The following TMEM108 variants were observed in gnomAD, a reference collection of about 807,000 sequenced individuals.
TMEM108 encodes cancer/testis antigen 124.
In TMEM108, 12 loss-of-function variants were observed where a neutral mutation model predicts 35.1. The ratio of observed to expected loss-of-function variants is 0.34; its 90% confidence interval spans 0.22 to 0.55. TMEM108 has a LOEUF of 0.55. Ranked by LOEUF, TMEM108 falls within the 20% of genes least tolerant of loss-of-function variation. TMEM108 has a pLI of 0.89. For missense variants in TMEM108, 680 were observed against 753.3 expected (o/e 0.90, Z 1.14); for synonymous variants, 287 against 308.6 (o/e 0.93, Z 0.73).
chr3:133,058,140 A>G (rs1397167985), intron 2 of TMEM108, among the ~76,000 whole-genome samples: 1 of 152,222 alleles, frequency 6.6e-6, no homozygotes, highest in Non-Finnish European at 1.5e-5. Flanking sequence ...AAAAAAAAGT[A>G]AATGAGAAGA....
At position 133,134,155 on chromosome 3, in the gene TMEM108, T is replaced by C. The variant is rs1208482295; in HGVS notation, c.-47+88135T>C. Among the ~76,000 whole-genome samples, 5 of 151,952 alleles carry C rather than the reference T, an allele frequency of 3.3e-5. No individual in the cohort carries two copies. The East Asian group carries it at 9.6e-4, about 29-fold the overall frequency. On this transcript the variant is annotated intron_variant, in intron 2 of 5. Transcript: ENST00000321871. The stretch of plus-strand genomic sequence containing the variant: ...TATAAAATCTCACATTTGTGCATTC[T>C]AGTTATCTTTTAAAAATATATTTCT...
intron 3 of TMEM108, among the ~76,000 whole-genome samples, chr3:133,254,732 C>T (rs918128393): frequency 6.6e-6 from 1 of 152,108 alleles, no homozygotes; most frequent in Non-Finnish European, 1.5e-5. Context: ...TAACAATTAC[C>T]CCAGACCTTC....
intron 3 of TMEM108, among the ~76,000 whole-genome samples, chr3:133,237,927 G>C (rs926451046): frequency 2.0e-5 from 3 of 152,080 alleles, no homozygotes; most frequent in Admixed American, 2.0e-4. Flanking sequence ...ATTTTGAAAA[G>C]CTCTTTGGGG....
At chr3:133,173,941 G>A (rs1053003990) in intron 2 of TMEM108, among the ~76,000 whole-genome samples, 2 of 152,230 alleles carry the variant, frequency 1.3e-5, no homozygotes, top group South Asian at 2.1e-4. Flanking sequence ...AAAGAAAGGG[G>A]TGACAGACGG....
chr3:133,038,750 G>A (rs1256125952), intron 1 of TMEM108, among the ~76,000 whole-genome samples: 3 of 152,228 alleles, frequency 2.0e-5, no homozygotes, highest in Non-Finnish European at 4.4e-5. Flanking sequence ...GGGTGATGGG[G>A]CGCGGGCGTC....
chr3:133,145,735 T>TAAGA (rs953778913), intron 2 of TMEM108, among the ~76,000 whole-genome samples: 4 of 152,200 alleles, frequency 2.6e-5, no homozygotes, highest in African/African-American at 7.2e-5. Flanking sequence ...CAATTGTGAA[T>TAAGA]AAGAGTTCAC....
intron 2 of TMEM108, among the ~76,000 whole-genome samples, chr3:133,065,044 C>T (rs142563501): frequency 2.6e-5 from 4 of 152,162 alleles, no homozygotes; most frequent in African/African-American, 9.7e-5. Flanking sequence ...CAAGGCACAA[C>T]CAGGCCTTTT....
At chr3:133,198,107 C>T (rs937518693) in intron 2 of TMEM108, among the ~76,000 whole-genome samples, 3 of 152,158 alleles carry the variant, frequency 2.0e-5, no homozygotes, top group Non-Finnish European at 4.4e-5. Flanking sequence ...GAAGGGTGAG[C>T]GTTGTCCTGA....
At chr3:133,086,985 T>C (rs1168379147) in intron 2 of TMEM108, among the ~76,000 whole-genome samples, 1 of 152,190 alleles carries the variant, frequency 6.6e-6, no homozygotes, top group Non-Finnish European at 1.5e-5. Context: ...CCAGAAACCT[T>C]AAACTCCCAC....
chr3:133,376,740 T>A (rs915342467), intron 3 of TMEM108, among the ~76,000 whole-genome samples: 1 of 152,252 alleles, frequency 6.6e-6, no homozygotes, highest in African/African-American at 2.4e-5. Context: ...GTTTTCCCTG[T>A]TTCACTAATC....
chr3:133,281,973 C>T (rs1031904669), intron 3 of TMEM108, among the ~76,000 whole-genome samples: 8 of 151,962 alleles, frequency 5.3e-5, no homozygotes, highest in African/African-American at 9.7e-5. Context: ...CTGGCTAACA[C>T]GGTGAAACTC....
At chr3:133,270,753 T>G (rs1261689655) in intron 3 of TMEM108, among the ~76,000 whole-genome samples, 2 of 151,912 alleles carry the variant, frequency 1.3e-5, no homozygotes, top group African/African-American at 4.8e-5. Flanking sequence ...TGCCAGGATT[T>G]TCTCCCTGTT....
At chr3:133,307,303 T>G (rs1240377957) in intron 3 of TMEM108, among the ~76,000 whole-genome samples, 1 of 152,178 alleles carries the variant, frequency 6.6e-6, no homozygotes, top group Non-Finnish European at 1.5e-5. Context: ...TTGCAAAAAT[T>G]TTCTCCCTTT....
intron 2 of TMEM108, among the ~76,000 whole-genome samples, chr3:133,059,200 T>A (rs1380033958): frequency 2.0e-5 from 3 of 152,184 alleles, no homozygotes; most frequent in African/African-American, 7.2e-5. Context: ...TCCTAAATGC[T>A]TCACAATGGG....
chr3:133,086,857 A>G (rs1943889488), intron 2 of TMEM108, among the ~76,000 whole-genome samples: 1 of 152,228 alleles, frequency 6.6e-6, no homozygotes, highest in South Asian at 2.1e-4. Flanking sequence ...TACAACCATG[A>G]GATAACATGA....
At chr3:133,078,184 T>C (rs1424822743) in intron 2 of TMEM108, among the ~76,000 whole-genome samples, 3 of 119,656 alleles carry the variant, frequency 2.5e-5, no homozygotes. Flanking sequence ...CACACGTGTG[T>C]GTGTATATCT....
At position 133,309,766 on chromosome 3, in the gene TMEM108, T is replaced by C. The variant is rs1189709576; in HGVS notation, c.41-69986T>C. Among the ~76,000 whole-genome samples, 4 of 134,970 alleles carry C rather than the reference T, an allele frequency of 3.0e-5. No individual in the cohort carries two copies. The East Asian group carries it at 6.9e-4, about 23-fold the overall frequency. The allele number at this position is 134,970 out of a possible 152,430, so 88.5% of individuals were successfully genotyped here. Reference sequence around the variant, plus strand: ...CCCAGGCTGGAGTGCAGTGGCGGGATCTCGGCTCACTGCAAGCTCCGCCTC... The same window carrying C: ...CCCAGGCTGGAGTGCAGTGGCGGGACCTCGGCTCACTGCAAGCTCCGCCTC... On this transcript the variant is annotated intron_variant, in intron 3 of 5. Transcript: ENST00000321871.
At chr3:133,277,011 C>T (rs927713617) in intron 3 of TMEM108, among the ~76,000 whole-genome samples, 3 of 151,894 alleles carry the variant, frequency 2.0e-5, no homozygotes, top group Admixed American at 6.6e-5. Flanking sequence ...TTTCTAATGA[C>T]GTGTGAGGTG....
At chr3:133,099,085 A>G (rs1390386648) in intron 2 of TMEM108, among the ~76,000 whole-genome samples, 1 of 152,186 alleles carries the variant, frequency 6.6e-6, no homozygotes, top group African/African-American at 2.4e-5. Flanking sequence ...CTTTTGCCTG[A>G]GCATTTAGGC....
Sources: gnomAD v4.1 joint callset for allele counts (sites outside exome capture counted in the v4.1 genomes callset) on GRCh38, gnomAD v4.1.1 for gene constraint, MANE v1.5 for transcripts, NCBI Gene and HGNC (gene_info 2026-07-23, HGNC 2026-07-21) for gene names.